Variants in DNAJC24 observed in about 807,000 individuals in gnomAD.
The protein encoded by DNAJC24 is dnaJ homolog subfamily C member 24.
Under a neutral mutation model 18.0 loss-of-function variants are expected in DNAJC24, and 17 were observed. That is an observed-to-expected ratio of 0.94 (90% CI 0.65 to 1.42). The LOEUF (loss-of-function observed/expected upper bound fraction) is 1.42. DNAJC24 is among the 40% of genes most tolerant of loss of function. The pLI is 0.00. For missense variants in DNAJC24, 158 were observed against 175.6 expected, an observed-to-expected ratio of 0.90 and a Z score of 0.57; for synonymous variants, 55 against 57.7, an observed-to-expected ratio of 0.95 and a Z score of 0.21.
At chr11:31,390,583 G>A (rs1297297362) in intron 2 of DNAJC24, among the ~76,000 whole-genome samples, 7 of 151,082 alleles carry the variant, frequency 4.6e-5, no homozygotes, top group African/African-American at 1.7e-4. Context: ...GCGCATGCCT[G>A]TAGTCCCAGC....
At chr11:31,396,100 G>C (rs1952540869) in intron 2 of DNAJC24, among the ~76,000 whole-genome samples, 1 of 152,192 alleles carries the variant, frequency 6.6e-6, no homozygotes, top group Non-Finnish European at 1.5e-5. Context: ...ACCACTGACA[G>C]TCTTCTAAAC....
chr11:31,429,809 T>G, intron 4 of DNAJC24: 1 of 159,774 alleles, frequency 6.3e-6, no homozygotes, highest in Non-Finnish European at 1.4e-5. Context: ...ATGTTGCATT[T>G]GATAAATAGT....
At chr11:31,381,375 C>A (rs563230586) in intron 2 of DNAJC24, among the ~76,000 whole-genome samples, 1 of 152,158 alleles carries the variant, frequency 6.6e-6, no homozygotes, top group Admixed American at 6.5e-5. Context: ...ATGTTATCTA[C>A]AATTAAAGAT....
intron 2 of DNAJC24, among the ~76,000 whole-genome samples, chr11:31,402,859 A>C (rs1041689254): frequency 4.6e-5 from 7 of 150,792 alleles, no homozygotes; most frequent in African/African-American, 1.7e-4. Flanking sequence ...GCATTTCTAC[A>C]AATGTGAATA....
chr11:31,403,794 G>T (rs1414683270), intron 2 of DNAJC24, among the ~76,000 whole-genome samples: 1 of 152,162 alleles, frequency 6.6e-6, no homozygotes, highest in Non-Finnish European at 1.5e-5. Context: ...CAGGAAAGAG[G>T]TCTCAATCCA....
intron 2 of DNAJC24, among the ~76,000 whole-genome samples, chr11:31,383,154 C>A (rs1289372010): frequency 3.9e-5 from 6 of 151,986 alleles, no homozygotes; most frequent in Non-Finnish European, 8.8e-5. Flanking sequence ...GTACTCCATC[C>A]GTTTTAATGA....
intron 4 of DNAJC24, 31 bp downstream of exon 4, chr11:31,426,386 T>TA (rs11304706): frequency 1.8e-3 from 2,043 of 1,135,562 alleles, no homozygotes; most frequent in Non-Finnish European, 2.2e-3. Flanking sequence ...TGACAACATT[T>TA]AAAAAAAAAA....
chr11:31,405,590 A>T (rs1002311972), intron 2 of DNAJC24, among the ~76,000 whole-genome samples: 1 of 152,008 alleles, frequency 6.6e-6, no homozygotes, highest in Middle Eastern at 3.4e-3. Context: ...GAATCCTCCT[A>T]CTTCAGCCTC....
At chr11:31,429,028 A>G (rs1952892426) in intron 4 of DNAJC24, among the ~76,000 whole-genome samples, 2 of 152,160 alleles carry the variant, frequency 1.3e-5, no homozygotes, top group Admixed American at 1.3e-4. Flanking sequence ...TGGTTAGAAT[A>G]TGTATCTTTT....
chr11:31,400,563 A>G lies in DNAJC24; in HGVS notation c.112-14248A>G, dbSNP rs530461310. Among the ~76,000 whole-genome samples the G allele has an allele frequency of 4.6e-5, 7 of 152,314 alleles. No individual in the cohort carries two copies. In the East Asian group the frequency reaches 1.2e-3, roughly 25 times the overall value. On this transcript the variant is annotated intron_variant, in intron 2 of 4. Coordinates refer to ENST00000465995, the MANE Select transcript of DNAJC24 (RefSeq NM_181706.5). ...CAATGGAACAGAACAGAGACCTTGG[A>G]AATAACACCACACATCTACAACCAT...
chr11:31,388,784 A>T (rs940191606), intron 2 of DNAJC24, among the ~76,000 whole-genome samples: 1 of 152,204 alleles, frequency 6.6e-6, no homozygotes, highest in Non-Finnish European at 1.5e-5. Flanking sequence ...TGAACCTATA[A>T]AAAGTAATTG....
intron 2 of DNAJC24, among the ~76,000 whole-genome samples, chr11:31,385,617 G>A (rs1026425873): frequency 6.6e-6 from 1 of 152,094 alleles, no homozygotes; most frequent in African/African-American, 2.4e-5. Context: ...TCTTTTCTAA[G>A]TTAAGTAAAC....
At chr11:31,424,363 C>T (rs1041004389) in intron 3 of DNAJC24, among the ~76,000 whole-genome samples, 7 of 152,112 alleles carry the variant, frequency 4.6e-5, no homozygotes, top group African/African-American at 1.7e-4. Flanking sequence ...CCAATTATTA[C>T]CCCCATTCCT....
At chr11:31,408,327 T>G in intron 2 of DNAJC24, 1 of 389,430 alleles carries the variant, frequency 2.6e-6, no homozygotes, top group Non-Finnish European at 5.0e-6. Flanking sequence ...TCTGAAGATT[T>G]GAGGTGAGTC....
intron 2 of DNAJC24, among the ~76,000 whole-genome samples, chr11:31,376,201 G>T (rs1952313484): frequency 6.6e-6 from 1 of 152,152 alleles, no homozygotes; most frequent in African/African-American, 2.4e-5. Flanking sequence ...TTCGCCTTCT[G>T]CCATGATTGC....
chr11:31,393,567 G>A (rs998852830), intron 2 of DNAJC24, among the ~76,000 whole-genome samples: 5 of 152,042 alleles, frequency 3.3e-5, no homozygotes, highest in African/African-American at 1.2e-4. Flanking sequence ...CTCTCTCTTG[G>A]CCCATATCCC....
intron 2 of DNAJC24, among the ~76,000 whole-genome samples, chr11:31,398,904 G>T (rs1952570819): frequency 6.6e-6 from 1 of 152,068 alleles, no homozygotes; most frequent in South Asian, 2.1e-4. Flanking sequence ...GTCCTTAATT[G>T]TATAAAAAAA....
At chr11:31,384,456 C>T (rs866258966) in intron 2 of DNAJC24, 3 of 152,302 alleles carry the variant, frequency 2.0e-5, no homozygotes, top group South Asian at 2.1e-4. Context: ...ATAATAGATT[C>T]TCAGTACATT....
chr11:31,370,661 T>G, intron 1 of DNAJC24, 55 bp from the exon 2 acceptor site: 1 of 830,116 alleles, frequency 1.2e-6, no homozygotes, highest in Non-Finnish European at 1.8e-6. Flanking sequence ...AGTACTTAAT[T>G]TTTTCTTAGA....
Sources: gnomAD v4.1 joint callset for allele counts (sites outside exome capture counted in the v4.1 genomes callset) on GRCh38, gnomAD v4.1.1 for gene constraint, MANE v1.5 for transcripts, NCBI Gene and HGNC (gene_info 2026-07-23, HGNC 2026-07-21) for gene names.